Variants in SPOCK3 observed in about 807,000 individuals in gnomAD.
The protein encoded by SPOCK3 is SPARC (osteonectin), cwcv and kazal like domains proteoglycan 3.
SPOCK3 carries 30 observed loss-of-function variants against 56.6 expected under a neutral mutation model. The observed-to-expected ratio is 0.53, with a 90% confidence interval of 0.40 to 0.72. The LOEUF is 0.72. Among genes scored for constraint, SPOCK3 ranks in the 30% least tolerant of loss-of-function variants. The pLI is 0.00. For missense variants in SPOCK3, 527 were observed against 530.0 expected (o/e 0.99, Z 0.06); for synonymous variants, 196 against 183.3 (o/e 1.07, Z -0.56).
intron 6 of SPOCK3, among the ~76,000 whole-genome samples, chr4:166,834,303 T>C (rs1746386032): frequency 6.6e-6 from 1 of 152,244 alleles, no homozygotes; most frequent in African/African-American, 2.4e-5. Flanking sequence ...CCCCAGCTTC[T>C]GATCGCTCAT....
intron 6 of SPOCK3, among the ~76,000 whole-genome samples, chr4:166,809,209 T>G (rs1359123249): frequency 6.6e-6 from 1 of 151,896 alleles, no homozygotes; most frequent in East Asian, 2.0e-4. Context: ...ATCCTCCTGC[T>G]TGCCTTCCAT....
chr4:166,797,946 C>T (rs553959366), intron 6 of SPOCK3, among the ~76,000 whole-genome samples: 11 of 152,092 alleles, frequency 7.2e-5, no homozygotes, highest in Admixed American at 3.3e-4. Context: ...AACAATGTTT[C>T]GGGCAACAAA....
At chr4:167,056,631 T>G (rs1402205491) in intron 3 of SPOCK3, among the ~76,000 whole-genome samples, 6 of 151,932 alleles carry the variant, frequency 3.9e-5, no homozygotes, top group African/African-American at 1.5e-4. Context: ...GAGAACTACG[T>G]GAAGAATGCA....
intron 5 of SPOCK3, among the ~76,000 whole-genome samples, chr4:166,908,445 T>A (rs778716526): frequency 1.1e-4 from 16 of 148,442 alleles, no homozygotes; most frequent in African/African-American, 4.0e-4. Flanking sequence ...CCAAATCAAT[T>A]TAAGTAGCAT....
At chr4:166,973,481 C>A (rs1270537112) in intron 4 of SPOCK3, among the ~76,000 whole-genome samples, 3 of 151,978 alleles carry the variant, frequency 2.0e-5, no homozygotes, top group African/African-American at 7.3e-5. Context: ...CACCTCTTAG[C>A]TAAATAGAAA....
At chr4:167,182,936 A>G (rs1561299628) in intron 2 of SPOCK3, among the ~76,000 whole-genome samples, 1 of 152,170 alleles carries the variant, frequency 6.6e-6, no homozygotes, top group Non-Finnish European at 1.5e-5. Flanking sequence ...TCATTGACAA[A>G]GCAGGTGCCT....
intron 2 of SPOCK3, among the ~76,000 whole-genome samples, chr4:167,222,174 G>C (rs77072054): frequency 0.067 from 10,122 of 152,052 alleles, 430 homozygotes; most frequent in Middle Eastern, 0.092. Context: ...GAAACTTGAG[G>C]ATGTTATGCT....
intron 3 of SPOCK3, among the ~76,000 whole-genome samples, chr4:167,049,423 G>T (rs932223833): frequency 6.6e-6 from 1 of 152,098 alleles, no homozygotes; most frequent in Admixed American, 6.6e-5. Context: ...GAGGGTTTAC[G>T]TGAAAGCAAA....
intron 3 of SPOCK3, among the ~76,000 whole-genome samples, chr4:167,052,962 A>G (rs531409005): frequency 9.2e-5 from 14 of 152,284 alleles, no homozygotes; most frequent in South Asian, 2.1e-4. Flanking sequence ...TTACACCCAT[A>G]ATACTATGAA....
intron 2 of SPOCK3, among the ~76,000 whole-genome samples, chr4:167,126,079 T>C (rs1396722615): frequency 2.0e-5 from 3 of 152,154 alleles, no homozygotes; most frequent in Admixed American, 6.6e-5. Flanking sequence ...TTATTCTAGG[T>C]TACTATACAC....
intron 6 of SPOCK3, among the ~76,000 whole-genome samples, chr4:166,851,324 C>A (rs967664142): frequency 2.0e-5 from 3 of 152,154 alleles, no homozygotes; most frequent in Non-Finnish European, 4.4e-5. Context: ...CTGTACATCA[C>A]CATCATCAAA....
chr4:167,061,010 C>G (rs2150244103), intron 3 of SPOCK3, among the ~76,000 whole-genome samples: 1 of 152,150 alleles, frequency 6.6e-6, no homozygotes, highest in South Asian at 2.1e-4. Flanking sequence ...GTCTGATAAA[C>G]ATAATATTTT....
intron 2 of SPOCK3, among the ~76,000 whole-genome samples, chr4:167,167,510 C>T (rs1005625905): frequency 2.6e-5 from 4 of 152,146 alleles, no homozygotes; most frequent in Non-Finnish European, 5.9e-5. Context: ...GTAAATAAAT[C>T]ATCAAAGTGT....
At chr4:166,932,725 T>C (rs964580442) in intron 4 of SPOCK3, among the ~76,000 whole-genome samples, 1 of 152,186 alleles carries the variant, frequency 6.6e-6, no homozygotes, top group Non-Finnish European at 1.5e-5. Flanking sequence ...CTTTGATCTA[T>C]GGATGGATGC....
chr4:167,124,030 C>T (rs1425879532), intron 2 of SPOCK3, among the ~76,000 whole-genome samples: 8 of 152,090 alleles, frequency 5.3e-5, no homozygotes, highest in African/African-American at 1.9e-4. Context: ...CAGGCCTGAG[C>T]CACCACGCCC....
chr4:167,021,655 C>T (rs1339077841), intron 3 of SPOCK3, among the ~76,000 whole-genome samples: 1 of 151,956 alleles, frequency 6.6e-6, no homozygotes, highest in Non-Finnish European at 1.5e-5. Context: ...TGAGGAAATT[C>T]CTAGAATTAC....
intron 2 of SPOCK3, among the ~76,000 whole-genome samples, chr4:167,139,400 A>C (rs1763356490): frequency 6.6e-6 from 1 of 152,058 alleles, no homozygotes; most frequent in Non-Finnish European, 1.5e-5. Context: ...AATTTCTGTG[A>C]GAAATAATAA....
intron 2 of SPOCK3, among the ~76,000 whole-genome samples, chr4:167,113,627 G>T (rs899448761): frequency 5.3e-5 from 8 of 152,028 alleles, no homozygotes; most frequent in African/African-American, 1.9e-4. Flanking sequence ...CAGGATTAAA[G>T]GAACAACCAA....
At chr4:166,809,410 T>C (rs1195126222) in intron 6 of SPOCK3, among the ~76,000 whole-genome samples, 3 of 152,006 alleles carry the variant, frequency 2.0e-5, no homozygotes, top group African/African-American at 4.8e-5. Flanking sequence ...ATTCCAAATA[T>C]TTAGGTCATT....
Sources: gnomAD v4.1 joint callset for allele counts (sites outside exome capture counted in the v4.1 genomes callset) on GRCh38, gnomAD v4.1.1 for gene constraint, MANE v1.5 for transcripts, NCBI Gene and HGNC (gene_info 2026-07-23, HGNC 2026-07-21) for gene names.